Variants in LRRC4C observed in about 807,000 individuals in gnomAD.
The protein encoded by LRRC4C is leucine-rich repeat-containing protein 4C.
In LRRC4C, 5 loss-of-function variants were observed where a neutral mutation model predicts 33.6. The observed-to-expected ratio is 0.15, with a 90% confidence interval of 0.08 to 0.31. LRRC4C has a LOEUF of 0.31. Ranked by LOEUF, LRRC4C falls within the 10% of genes least tolerant of loss-of-function variation. LRRC4C has a pLI of 1.00. For missense variants in LRRC4C, 560 were observed against 796.7 expected (o/e 0.70, Z 3.58); for synonymous variants, 329 against 302.0 (o/e 1.09, Z -0.93).
At chr11:40,251,569 A>G (rs1389700895) in intron 4 of LRRC4C, among the ~76,000 whole-genome samples, 13 of 152,206 alleles carry the variant, frequency 8.5e-5, no homozygotes, top group Non-Finnish European at 1.6e-4. Flanking sequence ...GCAAAGCACT[A>G]TGTATTAGTA....
At chr11:40,202,480 A>G (rs72640884) in intron 5 of LRRC4C, among the ~76,000 whole-genome samples, 18,601 of 152,052 alleles carry the variant, frequency 0.12, 1,434 homozygotes, top group South Asian at 0.23. Flanking sequence ...TTATACCACC[A>G]TATGCAGGTC....
chr11:40,474,438 T>C (rs978990242), intron 3 of LRRC4C, among the ~76,000 whole-genome samples: 18 of 152,192 alleles, frequency 1.2e-4, no homozygotes, highest in African/African-American at 4.3e-4. Context: ...TAACTCAGGA[T>C]GGGTTAAAGA....
At position 40,598,759 on chromosome 11, in the gene LRRC4C, A is replaced by G. The variant is rs1222212858; in HGVS notation, c.-270+49383T>C. Reference sequence around the variant, plus strand: ...GATGGGAACAGGGAAGTGGTTGCAGAATCATTCCTCTGCATCCATTTTGCT... The same window carrying G: ...GATGGGAACAGGGAAGTGGTTGCAGGATCATTCCTCTGCATCCATTTTGCT... On this transcript the variant is annotated intron_variant, in intron 3 of 6. Coordinates refer to ENST00000528697, the MANE Select transcript of LRRC4C (RefSeq NM_001258419.2). Among the ~76,000 whole-genome samples the G allele has an allele frequency of 2.0e-5, 3 of 152,158 alleles. No homozygotes were observed. In the East Asian group the frequency reaches 5.8e-4, roughly 29 times the overall value.
At chr11:41,266,686 C>T (rs1028392881) in intron 1 of LRRC4C, among the ~76,000 whole-genome samples, 1 of 152,114 alleles carries the variant, frequency 6.6e-6, no homozygotes, top group Non-Finnish European at 1.5e-5. Context: ...TTAAAATCCT[C>T]TTAATGTGAT....
intron 5 of LRRC4C, among the ~76,000 whole-genome samples, chr11:40,158,551 G>A (rs1395345108): frequency 6.9e-6 from 1 of 145,726 alleles, no homozygotes; most frequent in Non-Finnish European, 1.5e-5. Flanking sequence ...TTTTAAAATA[G>A]CATTATTAGA....
chr11:41,190,147 G>A (rs1215825983), intron 1 of LRRC4C, among the ~76,000 whole-genome samples: 1 of 152,160 alleles, frequency 6.6e-6, no homozygotes, highest in African/African-American at 2.4e-5. Context: ...CTTTTGCAAG[G>A]ACACTAGCTT....
At chr11:41,195,964 T>C (rs1946162008) in intron 1 of LRRC4C, among the ~76,000 whole-genome samples, 1 of 152,100 alleles carries the variant, frequency 6.6e-6, no homozygotes, top group South Asian at 2.1e-4. Context: ...CAAGGATCCC[T>C]TCTCGAGAAA....
chr11:41,343,569 GAAGA>G (rs1191471824), intron 1 of LRRC4C, among the ~76,000 whole-genome samples: 1 of 152,174 alleles, frequency 6.6e-6, no homozygotes, highest in Non-Finnish European at 1.5e-5. Flanking sequence ...ATCAGGAAAT[GAAGA>G]AAGAGTCTTC....
intron 1 of LRRC4C, among the ~76,000 whole-genome samples, chr11:41,254,352 A>G (rs567883810): frequency 3.9e-5 from 6 of 152,124 alleles, no homozygotes; most frequent in Non-Finnish European, 8.8e-5. Context: ...ACTGAGTTTG[A>G]CATATATTCA....
intron 1 of LRRC4C, among the ~76,000 whole-genome samples, chr11:41,247,150 T>G (rs1948480316): frequency 6.6e-6 from 1 of 152,188 alleles, no homozygotes; most frequent in Non-Finnish European, 1.5e-5. Flanking sequence ...GTGTTATAAG[T>G]GTTTTCATGA....
intron 3 of LRRC4C, among the ~76,000 whole-genome samples, chr11:40,377,698 G>A (rs1314288813): frequency 6.6e-6 from 1 of 152,090 alleles, no homozygotes. Flanking sequence ...CTCTGGAGGA[G>A]AATGGAGAAA....
chr11:41,094,660 T>C (rs1031860091), intron 1 of LRRC4C, among the ~76,000 whole-genome samples: 4 of 152,220 alleles, frequency 2.6e-5, no homozygotes, highest in African/African-American at 7.2e-5. Flanking sequence ...TATCACTATT[T>C]AGTGTATATT....
intron 3 of LRRC4C, among the ~76,000 whole-genome samples, chr11:40,452,056 G>T (rs142719279): frequency 2.6e-5 from 4 of 151,968 alleles, no homozygotes; most frequent in African/African-American, 9.7e-5. Flanking sequence ...CAAGGAAAGC[G>T]GTGACAGACA....
At chr11:40,632,310 C>G (rs911813456) in intron 3 of LRRC4C, among the ~76,000 whole-genome samples, 4 of 152,084 alleles carry the variant, frequency 2.6e-5, no homozygotes, top group Non-Finnish European at 5.9e-5. Context: ...TAAAGAACAC[C>G]TCAAAAAGCT....
chr11:40,153,179 A>C (rs927666808), intron 5 of LRRC4C, among the ~76,000 whole-genome samples: 1 of 152,208 alleles, frequency 6.6e-6, no homozygotes, highest in African/African-American at 2.4e-5. Context: ...GGCTAGACCC[A>C]GAAGAAAGAC....
intron 2 of LRRC4C, among the ~76,000 whole-genome samples, chr11:40,836,020 A>G (rs977498573): frequency 2.0e-5 from 3 of 152,186 alleles, no homozygotes; most frequent in African/African-American, 7.2e-5. Flanking sequence ...AGTGTGTCAC[A>G]ACTTAATTCC....
chr11:41,057,127 C>T (rs1296425904), intron 1 of LRRC4C, among the ~76,000 whole-genome samples: 1 of 152,182 alleles, frequency 6.6e-6, no homozygotes, highest in Non-Finnish European at 1.5e-5. Flanking sequence ...AGAAACGCCG[C>T]CCCCCATTCC....
intron 1 of LRRC4C, among the ~76,000 whole-genome samples, chr11:41,371,871 C>T (rs551523732): frequency 3.3e-5 from 5 of 152,340 alleles, no homozygotes; most frequent in African/African-American, 9.6e-5. Context: ...CGCGGTGGCT[C>T]ATGCCTGTGA....
chr11:40,783,802 A>G (rs1319565908), intron 2 of LRRC4C, among the ~76,000 whole-genome samples: 1 of 152,166 alleles, frequency 6.6e-6, no homozygotes, highest in Non-Finnish European at 1.5e-5. Context: ...GTATTTGAGT[A>G]ATTTTTGGTA....
Sources: gnomAD v4.1 joint callset for allele counts (sites outside exome capture counted in the v4.1 genomes callset) on GRCh38, gnomAD v4.1.1 for gene constraint, MANE v1.5 for transcripts, NCBI Gene and HGNC (gene_info 2026-07-23, HGNC 2026-07-21) for gene names.